Variants in PTBP2 observed in about 807,000 individuals in gnomAD.
The protein encoded by PTBP2 is polypyrimidine tract-binding protein 2.
In PTBP2, 13 loss-of-function variants were observed where a neutral mutation model predicts 61.4. The observed-to-expected ratio is 0.21, with a 90% CI of 0.14 to 0.34. The LOEUF (loss-of-function observed/expected upper bound fraction) is 0.34, where lower values mean the gene tolerates loss of function less well. Ranked by LOEUF, PTBP2 falls within the 10% of genes least tolerant of loss-of-function variation. The pLI, the probability that PTBP2 is intolerant of heterozygous loss-of-function variation, is 1.00. For missense variants in PTBP2, 405 were observed against 642.6 expected (o/e 0.63, Z 4.00); for synonymous variants, 215 against 218.5 (o/e 0.98, Z 0.14).
chr1:96,781,351 C>CT (rs1287093850), intron 7 of PTBP2, among the ~76,000 whole-genome samples: 11 of 151,918 alleles, frequency 7.2e-5, no homozygotes, highest in African/African-American at 2.4e-4. Flanking sequence ...CCTTTAGTGA[C>CT]TTTTTTGTCC....
intron 2 of PTBP2, among the ~76,000 whole-genome samples, chr1:96,731,191 A>G (rs1235844977): frequency 1.3e-5 from 2 of 152,198 alleles, no homozygotes; most frequent in African/African-American, 2.4e-5. Flanking sequence ...ACATGTGGAC[A>G]TATTTAGAAT....
intron 8 of PTBP2, among the ~76,000 whole-genome samples, chr1:96,789,902 A>G (rs1659603020): frequency 2.0e-5 from 3 of 152,166 alleles, no homozygotes; most frequent in Admixed American, 2.0e-4. Flanking sequence ...TATGATTATT[A>G]CACTTACCAG....
chr1:96,725,933 G>A (rs1477776331), intron 2 of PTBP2, among the ~76,000 whole-genome samples: 2 of 151,300 alleles, frequency 1.3e-5, no homozygotes, highest in Admixed American at 6.6e-5. Flanking sequence ...AAATTAGCCG[G>A]GTGTGGTGAC....
At chr1:96,734,841 T>A (rs544676664) in intron 2 of PTBP2, among the ~76,000 whole-genome samples, 1 of 152,070 alleles carries the variant, frequency 6.6e-6, no homozygotes, top group South Asian at 2.1e-4. Flanking sequence ...GGAACATTTC[T>A]TATACTTTAC....
chr1:96,741,967 G>T (rs1653093794), intron 2 of PTBP2, among the ~76,000 whole-genome samples: 1 of 152,048 alleles, frequency 6.6e-6, no homozygotes, highest in South Asian at 2.1e-4. Context: ...AATTACTTAT[G>T]GCATCAGCAT....
chr1:96,783,695 T>C (rs946005467), intron 7 of PTBP2, among the ~76,000 whole-genome samples: 2 of 152,102 alleles, frequency 1.3e-5, no homozygotes, highest in African/African-American at 2.4e-5. Context: ...CTATTACTTA[T>C]CTCACATTTT....
intron 7 of PTBP2, among the ~76,000 whole-genome samples, chr1:96,778,642 T>C (rs1015932468): frequency 1.3e-5 from 2 of 152,126 alleles, no homozygotes; most frequent in African/African-American, 2.4e-5. Context: ...TACTATTCCA[T>C]TATTAAGCCA....
rs1405646774 is a variant in PTBP2 at position 96,769,739 on chromosome 1, A to T, written c.152A>T (p.Asp51Val). ...GATAGTAAAAAATTTAAAGGAGAAGATAAAATGGATGGTGCTCCTTCTCGT... is the reference window on the plus strand; with the variant it reads ...GATAGTAAAAAATTTAAAGGAGAAGTTAAAATGGATGGTGCTCCTTCTCGT... Reference protein sequence around the residue: ...GNDSKKFKGEDKMDGAPSRVL... With the variant: ...GNDSKKFKGEVKMDGAPSRVL... The change falls in exon 4 of 14, where the codon GAT becomes GTT. Residue 51 changes from aspartate to valine, a missense_variant. Physicochemically the swap from Asp to Val is radical, Grantham distance 152. Transcript: ENST00000674951. The T allele has an allele frequency of 5.0e-6, 8 of 1,605,122 alleles. No homozygotes were observed. Among genetic ancestry groups the T allele is most frequent in the Non-Finnish European group, 6.8e-6 (8 of 1,176,022 alleles).
chr1:96,741,379 G>C (rs1652997729), intron 2 of PTBP2, among the ~76,000 whole-genome samples: 1 of 152,050 alleles, frequency 6.6e-6, no homozygotes, highest in African/African-American at 2.4e-5. Context: ...TCTCACCTTT[G>C]TTTCCTGAGT....
chr1:96,793,898 T>G (rs1660105660), intron 8 of PTBP2, among the ~76,000 whole-genome samples: 1 of 152,178 alleles, frequency 6.6e-6, no homozygotes. Flanking sequence ...GAAAAAAATG[T>G]TACTACGTCA....
At chr1:96,780,212 T>C (rs1369056072) in intron 7 of PTBP2, among the ~76,000 whole-genome samples, 2 of 151,992 alleles carry the variant, frequency 1.3e-5, no homozygotes, top group African/African-American at 4.8e-5. Flanking sequence ...CTGCACTATC[T>C]GTCATCCCCT....
Position 96,813,539 on chromosome 1 carries a change from C to A in PTBP2, c.*134C>A. 1.2e-6 allele frequency: 1 copy of A among 817,590 alleles called. No homozygotes were observed. Among genetic ancestry groups the A allele is most frequent in the Non-Finnish European group, 1.8e-6 (1 of 571,220 alleles). 50.6% of individuals were successfully genotyped at this position (817,590 alleles called of 1,614,324 possible). ...TTGGGGTTTCTTTTTTTTTTCCATG[C>A]TGTTATCATTCCTTGGTTATAAAAT... is the stretch of plus-strand genomic sequence containing the variant. On this transcript the variant is annotated 3_prime_UTR_variant, in exon 14 of 14. Transcript: ENST00000674951.
At chr1:96,736,915 A>G (rs1241050354) in intron 2 of PTBP2, among the ~76,000 whole-genome samples, 4 of 151,924 alleles carry the variant, frequency 2.6e-5, no homozygotes, top group Non-Finnish European at 4.4e-5. Context: ...CCTGGGCTCA[A>G]GTGATCCTCC....
At chr1:96,750,907 A>C (rs1654458268) in intron 2 of PTBP2, among the ~76,000 whole-genome samples, 1 of 152,112 alleles carries the variant, frequency 6.6e-6, no homozygotes, top group Non-Finnish European at 1.5e-5. Context: ...TTTTTGCAGA[A>C]AGAAATCTCT....
At chr1:96,769,329 A>G (rs1224057309) in intron 3 of PTBP2, among the ~76,000 whole-genome samples, 1 of 152,014 alleles carries the variant, frequency 6.6e-6, no homozygotes, top group African/African-American at 2.4e-5. Context: ...TGGGACCACC[A>G]TTGTATATGT....
intron 7 of PTBP2, among the ~76,000 whole-genome samples, chr1:96,779,599 T>C (rs927070117): frequency 4.6e-5 from 7 of 152,120 alleles, no homozygotes; most frequent in Non-Finnish European, 1.0e-4. Context: ...ATATTGATGT[T>C]TGTGCACAGG....
chr1:96,772,906 A>C (rs1657543610), intron 5 of PTBP2, among the ~76,000 whole-genome samples: 1 of 151,002 alleles, frequency 6.6e-6, no homozygotes, highest in African/African-American at 2.4e-5. Context: ...TGAGGTCAGG[A>C]GTTCAAGACC....
chr1:96,788,274 T>C (rs1169489276), intron 8 of PTBP2, among the ~76,000 whole-genome samples: 1 of 152,138 alleles, frequency 6.6e-6, no homozygotes, highest in Non-Finnish European at 1.5e-5. Flanking sequence ...CCTTCAGCTT[T>C]ATTCACTTAT....
chr1:96,808,849 CTA>C (rs1661757631), intron 11 of PTBP2, among the ~76,000 whole-genome samples: 1 of 151,842 alleles, frequency 6.6e-6, no homozygotes, highest in Admixed American at 6.6e-5. Context: ...ACACAAAACT[CTA>C]TGGTGTACTA....
Sources: allele counts gnomAD v4.1 joint callset (sites outside exome capture counted in the v4.1 genomes callset), GRCh38; gene constraint gnomAD v4.1.1; transcripts MANE v1.5; gene names NCBI Gene and HGNC (gene_info 2026-07-23, HGNC 2026-07-21).